ZNF892: variants seen among roughly 807,000 people sequenced by gnomAD.
ZNF892 encodes zinc finger protein 570-like.
At chr2:95,229,601 G>A in the ZNF892 span, among the ~76,000 whole-genome samples, 4 of 152,212 alleles carry the variant, frequency 2.6e-5, no homozygotes, top group African/African-American at 9.6e-5. Flanking sequence ...CCCACATTTT[G>A]TATGATTCAA....
the ZNF892 span, among the ~76,000 whole-genome samples, chr2:95,235,361 CT>C: frequency 0.015 from 1,955 of 132,078 alleles, 8 homozygotes; most frequent in Non-Finnish European, 0.021. Context: ...TTCCAGTAAA[CT>C]TTTTTTTTTT....
the ZNF892 span, among the ~76,000 whole-genome samples, chr2:95,258,629 TG>T: frequency 6.6e-6 from 1 of 152,204 alleles, no homozygotes; most frequent in Admixed American, 6.5e-5. Context: ...GTTGAAAAAG[TG>T]GAACCTTTGA....
At chr2:95,249,231 A>ATATTTT in the ZNF892 span, among the ~76,000 whole-genome samples, 1 of 57,090 alleles carries the variant, frequency 1.8e-5, no homozygotes, top group East Asian at 5.2e-4. Flanking sequence ...ATATATATAT[A>ATATTTT]TTTTTTTTTT....
chr2:95,208,005 G>C, the ZNF892 span, among the ~76,000 whole-genome samples: 1 of 152,156 alleles, frequency 6.6e-6, no homozygotes, highest in Non-Finnish European at 1.5e-5. Flanking sequence ...TTGCCCTCCT[G>C]GTCTGTAGGG....
the ZNF892 span, among the ~76,000 whole-genome samples, chr2:95,210,533 G>C: frequency 6.6e-6 from 1 of 152,038 alleles, no homozygotes; most frequent in Non-Finnish European, 1.5e-5. Flanking sequence ...TGAAGGTTAG[G>C]CTAAATACTC....
the ZNF892 span, among the ~76,000 whole-genome samples, chr2:95,255,937 T>G: frequency 4.6e-5 from 7 of 152,354 alleles, no homozygotes; most frequent in East Asian, 1.4e-3. Flanking sequence ...GCTTGGTAGC[T>G]CTTCCTCCAT....
the ZNF892 span, among the ~76,000 whole-genome samples, chr2:95,262,966 C>A: frequency 6.6e-6 from 1 of 152,192 alleles, no homozygotes; most frequent in Non-Finnish European, 1.5e-5. Context: ...CTTGGCTATT[C>A]AATCAAATGT....
chr2:95,229,144 C>T, the ZNF892 span, among the ~76,000 whole-genome samples: 2 of 152,128 alleles, frequency 1.3e-5, 1 homozygote, highest in South Asian at 4.1e-4. Flanking sequence ...GGGCATGTGT[C>T]GTCAAGACTT....
the ZNF892 span, among the ~76,000 whole-genome samples, chr2:95,253,998 T>C: frequency 6.6e-6 from 1 of 152,244 alleles, no homozygotes; most frequent in African/African-American, 2.4e-5. Context: ...GATGGGATTT[T>C]CTAGATATAC....
chr2:95,216,937 A>T, the ZNF892 span, among the ~76,000 whole-genome samples: 1 of 152,020 alleles, frequency 6.6e-6, no homozygotes, highest in African/African-American at 2.4e-5. Flanking sequence ...TTTCTTGAGG[A>T]TTTTTGTCTG....
the ZNF892 span, among the ~76,000 whole-genome samples, chr2:95,253,936 C>A: frequency 6.6e-6 from 1 of 152,088 alleles, no homozygotes; most frequent in African/African-American, 2.4e-5. Flanking sequence ...ATTTTGTATC[C>A]TGAGACTTTG....
At chr2:95,232,823 A>G in the ZNF892 span, among the ~76,000 whole-genome samples, 3 of 9,460 alleles carry the variant, frequency 3.2e-4, no homozygotes, top group South Asian at 2.1e-3. Flanking sequence ...ATGTATGTAT[A>G]TGTATGTATT....
the ZNF892 span, among the ~76,000 whole-genome samples, chr2:95,256,227 G>C: frequency 1.3e-5 from 2 of 152,172 alleles, no homozygotes; most frequent in Admixed American, 1.3e-4. Context: ...TCCTTTCCAT[G>C]TTTAGTGCTT....
chr2:95,251,907 A>T, the ZNF892 span, among the ~76,000 whole-genome samples: 1 of 152,218 alleles, frequency 6.6e-6, no homozygotes, highest in Non-Finnish European at 1.5e-5. Context: ...GGGTACCCAG[A>T]ACCAAATTCA....
chr2:95,223,724 A>G, the ZNF892 span, among the ~76,000 whole-genome samples: 3 of 152,220 alleles, frequency 2.0e-5, no homozygotes, highest in African/African-American at 7.2e-5. Context: ...GATATAATTT[A>G]TATACCATAA....
the ZNF892 span, among the ~76,000 whole-genome samples, chr2:95,238,244 C>G: frequency 6.6e-6 from 1 of 152,188 alleles, no homozygotes; most frequent in African/African-American, 2.4e-5. Context: ...CAGCTGGTGA[C>G]TTTAAATTGA....
At chr2:95,244,486 C>G in the ZNF892 span, among the ~76,000 whole-genome samples, 67 of 151,786 alleles carry the variant, frequency 4.4e-4, 4 homozygotes, top group East Asian at 9.5e-3. Flanking sequence ...TCAATTAAAC[C>G]AAAAGAGCTA....
At chr2:95,222,118 A>G in the ZNF892 span, among the ~76,000 whole-genome samples, 1 of 152,238 alleles carries the variant, frequency 6.6e-6, no homozygotes, top group East Asian at 1.9e-4. Flanking sequence ...CTTTTTTTTA[A>G]GAGTGGCTCC....
the ZNF892 span, among the ~76,000 whole-genome samples, chr2:95,257,452 C>T: frequency 2.6e-5 from 4 of 152,150 alleles, no homozygotes; most frequent in Non-Finnish European, 5.9e-5. Context: ...GAGGAGTACC[C>T]GGCCATGTGA....
Sources: allele counts gnomAD v4.1 joint callset (sites outside exome capture counted in the v4.1 genomes callset), GRCh38; gene constraint gnomAD v4.1.1; transcripts MANE v1.5; gene names NCBI Gene and HGNC (gene_info 2026-07-23, HGNC 2026-07-21).